Variants in ATXN7 observed in about 807,000 individuals in gnomAD.
ATXN7 encodes the protein ataxin-7.
ATXN7 carries 12 observed loss-of-function variants against 70.5 expected under a neutral mutation model. The observed-to-expected ratio is 0.17, with a 90% confidence interval of 0.11 to 0.28. The LOEUF (loss-of-function observed/expected upper bound fraction) is 0.28, where lower values mean the gene tolerates loss of function less well. ATXN7 is among the 10% of genes least tolerant of loss of function. The pLI, the probability that ATXN7 is intolerant of heterozygous loss-of-function variation, is 1.00. For missense variants in ATXN7, 1,256 were observed against 1,131.7 expected, an observed-to-expected ratio of 1.11 and a Z score of -1.58; for synonymous variants, 498 against 448.7, an observed-to-expected ratio of 1.11 and a Z score of -1.39.
chr3:63,942,100 G>A (rs924347911), intron 4 of ATXN7, among the ~76,000 whole-genome samples: 3 of 152,164 alleles, frequency 2.0e-5, no homozygotes, highest in African/African-American at 4.8e-5. Context: ...AGAGGTACCC[G>A]CAGGAGTCTG....
At chr3:63,953,656 C>CT (rs1369697109) in intron 5 of ATXN7, among the ~76,000 whole-genome samples, 18,198 of 138,446 alleles carry the variant, frequency 0.13, 1,297 homozygotes, top group African/African-American at 0.16. Flanking sequence ...TGAGATACTT[C>CT]TTTTTTTTTT....
At chr3:63,910,080 C>A (rs2107288673) in intron 2 of ATXN7, among the ~76,000 whole-genome samples, 1 of 152,064 alleles carries the variant, frequency 6.6e-6, no homozygotes, top group South Asian at 2.1e-4. Context: ...TTAAACCAAT[C>A]AAAAACTTTG....
At chr3:63,883,026 T>C (rs188546801) in intron 1 of ATXN7, among the ~76,000 whole-genome samples, 1 of 152,328 alleles carries the variant, frequency 6.6e-6, no homozygotes. Flanking sequence ...TAAGGTGTTA[T>C]TAGACAGCTA....
intron 1 of ATXN7, among the ~76,000 whole-genome samples, chr3:63,870,429 C>G (rs1702561092): frequency 6.6e-6 from 1 of 152,182 alleles, no homozygotes; most frequent in South Asian, 2.1e-4. Context: ...TGCTCACACA[C>G]TGCTGTTTTA....
At chr3:63,965,970 TA>T (rs909994441) in intron 5 of ATXN7, among the ~76,000 whole-genome samples, 4 of 152,220 alleles carry the variant, frequency 2.6e-5, no homozygotes, top group Admixed American at 6.5e-5. Flanking sequence ...TTTGTGAACT[TA>T]AATATAGACG....
intron 4 of ATXN7, among the ~76,000 whole-genome samples, chr3:63,941,788 A>G (rs1373834955): frequency 6.6e-6 from 1 of 152,184 alleles, no homozygotes; most frequent in Non-Finnish European, 1.5e-5. Flanking sequence ...AGTAGACAAT[A>G]TGAATCTGGG....
intron 4 of ATXN7, among the ~76,000 whole-genome samples, chr3:63,920,018 C>T (rs1217546605): frequency 1.3e-5 from 2 of 151,986 alleles, no homozygotes; most frequent in African/African-American, 4.8e-5. Context: ...AGCCTTGTTA[C>T]AGGTCTTAGG....
chr3:63,896,214 A>C (rs1014275185), intron 1 of ATXN7, among the ~76,000 whole-genome samples: 3 of 152,124 alleles, frequency 2.0e-5, no homozygotes, highest in Non-Finnish European at 4.4e-5. Context: ...AAAAAAAAGT[A>C]AATAAATTTA....
chr3:63,930,358 T>G (rs1704899451), intron 4 of ATXN7, among the ~76,000 whole-genome samples: 1 of 152,340 alleles, frequency 6.6e-6, no homozygotes, highest in East Asian at 1.9e-4. Flanking sequence ...CTCAAATTCT[T>G]ATTTGCCTGA....
intron 4 of ATXN7, among the ~76,000 whole-genome samples, chr3:63,929,352 A>C (rs192347690): frequency 6.7e-6 from 1 of 148,942 alleles, no homozygotes; most frequent in Admixed American, 6.7e-5. Context: ...GGCTCACTGC[A>C]ACCTCCGACT....
rs1452138618 is a variant in ATXN7 at position 64,002,701 on chromosome 3, G to A, written c.*3234G>A. 2.6e-5 allele frequency: 4 copies of A among 152,044 alleles called. No homozygotes were observed. Among genetic ancestry groups the A allele is most frequent in the Non-Finnish European group, 5.9e-5 (4 of 68,020 alleles). 9.4% of individuals were successfully genotyped at this position (152,044 alleles called of 1,614,324 possible). ...AAATATTGTTTCTAAAATTTTAGGGGCGGAGTTGAAAACCACCAATGCTGG... is the reference window on the plus strand; with the variant it reads ...AAATATTGTTTCTAAAATTTTAGGGACGGAGTTGAAAACCACCAATGCTGG... On this transcript the variant is annotated 3_prime_UTR_variant, in exon 13 of 13. Coordinates refer to ENST00000674280, the MANE Select transcript of ATXN7 (RefSeq NM_001377405.1).
At chr3:63,974,249 G>A (rs1477029558) in intron 5 of ATXN7, among the ~76,000 whole-genome samples, 1 of 152,140 alleles carries the variant, frequency 6.6e-6, no homozygotes, top group East Asian at 1.9e-4. Flanking sequence ...AAACAATCTG[G>A]ATTTCCCTTA....
chr3:63,991,101 G>C (rs529144808), intron 11 of ATXN7: 1 of 528,824 alleles, frequency 1.9e-6, no homozygotes, highest in East Asian at 3.4e-5. Context: ...TCACAGTCTA[G>C]TTGGGATTGG....
intron 4 of ATXN7, among the ~76,000 whole-genome samples, chr3:63,918,717 G>A (rs1219482426): frequency 6.6e-6 from 1 of 152,126 alleles, no homozygotes; most frequent in African/African-American, 2.4e-5. Context: ...CTCTCTGTGG[G>A]TGTGTAAAGG....
In ATXN7 at chr3:63,982,951, A is replaced by G. The variant is rs773456165; in HGVS notation, c.1025A>G (p.Asp342Gly). The change falls in exon 8 of 13, where the codon GAT (aspartate) becomes GGT (glycine). Residue 342 changes from aspartate (D) to glycine (G), a missense_variant. By Grantham distance (94) the Asp-to-Gly change is moderately conservative (BLOSUM62 -1). Transcript: ENST00000674280. ...LNKRLSEREF[D>G]PDIHCGVIDL... ...GTTCTTTTGACAGAAAGAGAGTTTG[A>G]TCCTGACATCCACTGTGGGGTTATT... 1 of 1,613,916 alleles carries G rather than the reference A, an allele frequency of 6.2e-7. No individual in the cohort carries two copies. Among genetic ancestry groups the G allele is most frequent in the South Asian group, 1.1e-5 (1 of 91,072 alleles).
intron 9 of ATXN7, among the ~76,000 whole-genome samples, chr3:63,989,793 A>G (rs1274373268): frequency 1.3e-5 from 2 of 152,210 alleles, no homozygotes; most frequent in Non-Finnish European, 2.9e-5. Context: ...CCGAGGGACA[A>G]CTATGTTTCA....
intron 1 of ATXN7, among the ~76,000 whole-genome samples, chr3:63,883,850 A>G (rs1394906271): frequency 6.6e-6 from 1 of 151,214 alleles, no homozygotes; most frequent in Non-Finnish European, 1.5e-5. Context: ...CCAACAACAG[A>G]AAAAAAAATA....
chr3:63,949,206 G>T (rs2074914139), intron 4 of ATXN7, among the ~76,000 whole-genome samples: 1 of 148,494 alleles, frequency 6.7e-6, no homozygotes, highest in South Asian at 2.1e-4. Flanking sequence ...CTCTGTTCCT[G>T]TTGCTAAGGC....
chr3:63,944,934 A>G (rs1156677964), intron 4 of ATXN7, among the ~76,000 whole-genome samples: 1 of 152,048 alleles, frequency 6.6e-6, no homozygotes, highest in Non-Finnish European at 1.5e-5. Flanking sequence ...TGCAATTACA[A>G]GTGTAAACCA....
Sources: allele counts gnomAD v4.1 joint callset (sites outside exome capture counted in the v4.1 genomes callset), GRCh38; gene constraint gnomAD v4.1.1; transcripts MANE v1.5; gene names NCBI Gene and HGNC (gene_info 2026-07-23, HGNC 2026-07-21).